Variants in TTC7A observed in about 807,000 individuals in gnomAD.
The protein encoded by TTC7A is tetratricopeptide repeat domain 7A, also known as tetratricopeptide repeat protein 7A.
A neutral mutation model predicts 103.7 loss-of-function variants in TTC7A; 110 were observed. That is an observed-to-expected ratio of 1.06 (90% CI 0.91 to 1.24). The LOEUF (loss-of-function observed/expected upper bound fraction) is 1.24. TTC7A is among the 50% of genes most tolerant of loss of function. The pLI is 0.00. For synonymous variants in TTC7A, 521 were observed against 467.9 expected, an observed-to-expected ratio of 1.11 and a Z score of -1.47; for missense variants, 1,340 against 1,116.3, an observed-to-expected ratio of 1.20 and a Z score of -2.86.
intron 3 of TTC7A, among the ~76,000 whole-genome samples, chr2:46,971,095 A>G (rs1673317028): frequency 6.6e-6 from 1 of 152,256 alleles, no homozygotes; most frequent in Non-Finnish European, 1.5e-5. Context: ...TCATCCAGCC[A>G]GCAAATGCTT....
chr2:46,958,441 T>G, intron 3 of TTC7A: 1 of 1,281,372 alleles, frequency 7.8e-7, no homozygotes, highest in Non-Finnish European at 1.0e-6. Flanking sequence ...GACTTTCTCC[T>G]GAGCCTGGCT....
intron 15 of TTC7A, among the ~76,000 whole-genome samples, chr2:47,043,833 CT>C (rs529176277): frequency 6.8e-4 from 104 of 152,288 alleles, no homozygotes; most frequent in African/African-American, 2.4e-3. Flanking sequence ...TACAGCCTGC[CT>C]TTGGTAGAAC....
At chr2:47,014,482 G>A (rs1678422837) in intron 11 of TTC7A, among the ~76,000 whole-genome samples, 1 of 152,186 alleles carries the variant, frequency 6.6e-6, no homozygotes, top group African/African-American at 2.4e-5. Context: ...CTCAAGGACT[G>A]GAAACTGGCC....
At chr2:47,011,247 G>C (rs915718738) in intron 10 of TTC7A, 84 bp from the exon 11 acceptor site, 1 of 1,282,338 alleles carries the variant, frequency 7.8e-7, no homozygotes, top group East Asian at 2.4e-5. Context: ...AGCAAGGCTT[G>C]GTTGTTTGGG....
At chr2:46,921,351 T>C (rs1669092947) in intron 2 of TTC7A, among the ~76,000 whole-genome samples, 1 of 152,228 alleles carries the variant, frequency 6.6e-6, no homozygotes, top group Non-Finnish European at 1.5e-5. Flanking sequence ...GGTATGTCTA[T>C]ATATGAGCAA....
At chr2:47,021,790 G>A in intron 11 of TTC7A, 72 bp from the exon 12 acceptor site, 3 of 1,201,988 alleles carry the variant, frequency 2.5e-6, no homozygotes, top group Non-Finnish European at 3.7e-6. Context: ...TCGGGAACAG[G>A]TCCAGGGAGT....
At position 46,999,791 on chromosome 2, in the gene TTC7A, A is replaced by G. The variant is rs548035010; in HGVS notation, c.1065+4592A>G. Reference sequence around the variant, plus strand: ...GGGGCATAAAAATATGTGCTAAAGTAAACTGAACCCTTGGATCCCTGTTTC... The same window carrying G: ...GGGGCATAAAAATATGTGCTAAAGTGAACTGAACCCTTGGATCCCTGTTTC... On this transcript the variant is annotated intron_variant, in intron 8 of 19. Transcript: ENST00000319190. The G allele has an allele frequency of 1.6e-5, 16 of 985,486 alleles. No individual in the cohort carries two copies. The South Asian group carries it at 7.0e-4, about 43-fold the overall frequency. 61.0% of individuals were successfully genotyped at this position (985,486 alleles called of 1,614,324 possible). A position where few individuals can be genotyped will look rare whatever the true frequency, so the allele number is the denominator to read the frequency against.
chr2:47,067,016 T>A (rs1332461740), intron 19 of TTC7A, among the ~76,000 whole-genome samples: 1 of 152,122 alleles, frequency 6.6e-6, no homozygotes, highest in African/African-American at 2.4e-5. Flanking sequence ...CAAGAGAGTG[T>A]GAGAGAAGGG....
intron 5 of TTC7A, among the ~76,000 whole-genome samples, chr2:46,992,346 A>G (rs573630422): frequency 3.9e-5 from 6 of 152,358 alleles, no homozygotes; most frequent in Non-Finnish European, 7.3e-5. Flanking sequence ...TTGCTTCAGA[A>G]GAGGAATTAA....
At chr2:47,002,340 A>G (rs1676905767) in intron 8 of TTC7A, among the ~76,000 whole-genome samples, 2 of 152,268 alleles carry the variant, frequency 1.3e-5, no homozygotes, top group Non-Finnish European at 2.9e-5. Context: ...ACATTCTGCC[A>G]TTATTCTAAG....
chr2:46,975,461 C>T (rs1178320888), intron 4 of TTC7A, among the ~76,000 whole-genome samples: 1 of 151,710 alleles, frequency 6.6e-6, no homozygotes, highest in Non-Finnish European at 1.5e-5. Flanking sequence ...CCAGAAGCTC[C>T]TCCCTGGATC....
chr2:47,004,669 AG>A (rs1677184971), intron 8 of TTC7A, among the ~76,000 whole-genome samples: 1 of 152,054 alleles, frequency 6.6e-6, no homozygotes, highest in Non-Finnish European at 1.5e-5. Flanking sequence ...GAGGGGAATG[AG>A]CAGGAGAAGG....
At chr2:46,932,012 A>G (rs1384846093) in intron 2 of TTC7A, among the ~76,000 whole-genome samples, 2 of 152,206 alleles carry the variant, frequency 1.3e-5, no homozygotes. Flanking sequence ...TCATATGACA[A>G]TCTCAGTAAG....
At chr2:47,013,084 A>T (rs770910480) in intron 11 of TTC7A, among the ~76,000 whole-genome samples, 29 of 152,286 alleles carry the variant, frequency 1.9e-4, no homozygotes, top group Non-Finnish European at 3.8e-4. Flanking sequence ...TAAAATGGAA[A>T]CAGTAAGTCT....
At chr2:46,989,554 G>A (rs1675386220) in intron 5 of TTC7A, among the ~76,000 whole-genome samples, 1 of 152,034 alleles carries the variant, frequency 6.6e-6, no homozygotes, top group South Asian at 2.1e-4. Flanking sequence ...GGCATTCTCA[G>A]GTCAGTGTTA....
In TTC7A at chr2:47,051,803, T is replaced by C; in HGVS notation, c.2075T>C (p.Leu692Pro). The change falls in exon 18 of 20, where the codon CTG becomes CCG. Residue 692 changes from leucine (L) to proline (P), a missense_variant. Leu to Pro is a moderately conservative substitution (Grantham distance 98). Transcript: ENST00000319190. Reference sequence around the variant, plus strand: ...CGGCTGGAGGAGGCCATGTCAGAGCTGACTATGCCCTCTTCGGTCCTGAAG... The same window carrying C: ...CGGCTGGAGGAGGCCATGTCAGAGCCGACTATGCCCTCTTCGGTCCTGAAG... ...ASRLEEAMSE[L>P]TMPSSVLKQG... 1.2e-6 allele frequency: 2 copies of C among 1,611,936 alleles called. No homozygotes were observed. Among genetic ancestry groups the C allele is most frequent in the Non-Finnish European group, 1.7e-6 (2 of 1,179,780 alleles).
chr2:47,028,874 T>C (rs1254404195), intron 14 of TTC7A, among the ~76,000 whole-genome samples: 3 of 152,172 alleles, frequency 2.0e-5, no homozygotes, highest in African/African-American at 7.2e-5. Flanking sequence ...CATCTCCTCC[T>C]GGAAGGCAGG....
intron 1 of TTC7A, among the ~76,000 whole-genome samples, chr2:46,948,211 G>T (rs1314506685): frequency 6.6e-6 from 1 of 152,186 alleles, no homozygotes; most frequent in East Asian, 1.9e-4. Context: ...CCTGAGGGGT[G>T]TGTTTCCCTC....
At chr2:47,006,587 G>A in intron 9 of TTC7A, 54 bp from the exon 10 acceptor site, 2 of 1,491,304 alleles carry the variant, frequency 1.3e-6, no homozygotes, top group Non-Finnish European at 1.9e-6. Context: ...GGGTGCGGAT[G>A]GCTGGGGTGG....
Sources: allele counts gnomAD v4.1 joint callset (sites outside exome capture counted in the v4.1 genomes callset), GRCh38; gene constraint gnomAD v4.1.1; transcripts MANE v1.5; gene names NCBI Gene and HGNC (gene_info 2026-07-23, HGNC 2026-07-21).